Variants in DNAH10 observed in about 807,000 individuals in gnomAD.
The protein encoded by DNAH10 is axonemal beta dynein heavy chain 10.
A neutral mutation model predicts 506.6 loss-of-function variants in DNAH10; 348 were observed. The observed-to-expected ratio is 0.69, with a 90% confidence interval of 0.63 to 0.75. The LOEUF is 0.75. DNAH10 is among the 30% of genes least tolerant of loss of function. The pLI is 0.00. For missense variants in DNAH10, 5,179 were observed against 5,787.1 expected (o/e 0.89, Z 3.41); for synonymous variants, 2,059 against 2,198.6 (o/e 0.94, Z 1.78).
intron 54 of DNAH10, among the ~76,000 whole-genome samples, chr12:123,895,008 G>A (rs1202961825): frequency 6.6e-6 from 1 of 152,168 alleles, no homozygotes; most frequent in Admixed American, 6.5e-5. Flanking sequence ...CCCCTTACTT[G>A]TTTTAGTAAA....
rs774705534 is a variant in DNAH10 at position 123,813,833 on chromosome 12, G to A, written c.3701G>A (p.Arg1234Lys). The part of the protein sequence containing the change: ...KFVLATIAEI[R>K]SKSLVMELRY... ...GTCCTTGCAACAATTGCAGAAATTA[G>A]AAGTAAATCTCTAGTCATGGAACTC... The change falls in exon 21 of 79, where the codon AGA (arginine) becomes AAA (lysine). Residue 1234 changes from arginine (R) to lysine (K), a missense_variant. Transcript: ENST00000673944. 1.9e-6 allele frequency: 3 copies of A among 1,613,410 alleles called. No individual in the cohort carries two copies. The highest frequency in any genetic ancestry group is 2.5e-6 in the Non-Finnish European group (3 of 1,179,788).
In DNAH10 at chr12:123,841,252, G is replaced by A. The variant is rs1481507771; in HGVS notation, c.5137-70G>A. On this transcript the variant is annotated intron_variant, in intron 29 of 78. Coordinates refer to ENST00000673944, the MANE Select transcript of DNAH10 (RefSeq NM_001372106.1). ...CATCGTGGCAGCTCTGCTGGATGGAGCACCGCTGGCTGGTCTTTGATTCCA... is the reference window on the plus strand; with the variant it reads ...CATCGTGGCAGCTCTGCTGGATGGAACACCGCTGGCTGGTCTTTGATTCCA... 15 of 1,519,300 alleles carry A rather than the reference G, an allele frequency of 9.9e-6. No homozygotes were observed. The South Asian group carries it at 1.1e-4, about 11-fold the overall frequency. The allele number at this position is 1,519,300 out of a possible 1,614,324, so 94.1% of individuals were successfully genotyped here.
chr12:123,798,955 A>G (rs936152065), intron 13 of DNAH10, among the ~76,000 whole-genome samples: 7 of 149,324 alleles, frequency 4.7e-5, no homozygotes, highest in Non-Finnish European at 1.0e-4. Context: ...AAATACAAAA[A>G]TTAGCTGGGT....
In DNAH10 at chr12:123,879,811, A is replaced by G; in HGVS notation, c.8634+10A>G. 5 of 1,611,770 alleles carry G rather than the reference A, an allele frequency of 3.1e-6. No individual in the cohort carries two copies. The highest frequency in any genetic ancestry group is 4.2e-6 in the Non-Finnish European group (5 of 1,178,392). On this transcript the variant is annotated intron_variant, in intron 50 of 78. Coordinates refer to ENST00000673944, the MANE Select transcript of DNAH10 (RefSeq NM_001372106.1). Reference sequence around the variant, plus strand: ...CAAGGCTCTGTTCCAGGTGGGGATGAGCCCCACCCTGTCCATGGGCTCACT... The same window carrying G: ...CAAGGCTCTGTTCCAGGTGGGGATGGGCCCCACCCTGTCCATGGGCTCACT...
At chr12:123,908,495 A>G (rs1594347039) in intron 57 of DNAH10, 3 of 455,742 alleles carry the variant, frequency 6.6e-6, no homozygotes, top group Admixed American at 2.4e-5. Context: ...CTGTCTTTCC[A>G]TGGCGTGGTC....
At chr12:123,857,842 A>G (rs1442224476) in intron 37 of DNAH10, among the ~76,000 whole-genome samples, 1 of 152,224 alleles carries the variant, frequency 6.6e-6, no homozygotes, top group East Asian at 1.9e-4. Context: ...GCAAAACTAA[A>G]ACCCTACACC....
chr12:123,785,659 G>A lies in DNAH10; in HGVS notation c.1231-87G>A. 2.2e-6 allele frequency: 2 copies of A among 925,354 alleles called. No individual in the cohort carries two copies. The allele number at this position is 925,354 out of a possible 1,614,324, so 57.3% of individuals were successfully genotyped here. On this transcript the variant is annotated intron_variant, in intron 8 of 78. Coordinates refer to ENST00000673944, the MANE Select transcript of DNAH10 (RefSeq NM_001372106.1). The surrounding 1 kb of genome is among the most constrained non-coding windows in gnomAD (Gnocchi z 4.1). ...AGGAAAAAAAAAAAAAAAAAAGAGTGAAACTTCTTGCATGCTTACTGTTTT... is the reference window on the plus strand; with the variant it reads ...AGGAAAAAAAAAAAAAAAAAAGAGTAAAACTTCTTGCATGCTTACTGTTTT...
intron 12 of DNAH10, among the ~76,000 whole-genome samples, chr12:123,796,426 C>T (rs1038282257): frequency 2.6e-5 from 4 of 152,098 alleles, no homozygotes; most frequent in Non-Finnish European, 4.4e-5. Context: ...CACTGCACTC[C>T]AGCCTGGGCA....
In DNAH10 at chr12:123,853,286, C is replaced by G. The variant is rs1951247033; in HGVS notation, c.6372C>G (p.Leu2124=). 1 of 1,611,706 alleles carries G rather than the reference C, an allele frequency of 6.2e-7. No individual in the cohort carries two copies. The highest frequency in any genetic ancestry group is 1.3e-5 in the African/African-American group (1 of 74,952). Residue 2124 remains leucine, a synonymous_variant, in exon 36 of 79, where the codon CTC becomes CTG. Transcript: ENST00000673944. The surrounding 1 kb of genome is among the most constrained non-coding windows in gnomAD (Gnocchi z 4.7). ...LSKQYHYDFG[L]RALKSVLVMA... ...AGCAGTATCACTATGATTTTGGACT[C>G]AGAGCCCTGAAATCGGTGCTGGTCA...
chr12:123,919,295 G>A lies in DNAH10; in HGVS notation c.11506+346G>A, dbSNP rs531331023. Among the ~76,000 whole-genome samples the A allele has an allele frequency of 2.0e-5, 3 of 151,902 alleles. No individual in the cohort carries two copies. Among genetic ancestry groups the A allele is most frequent in the Non-Finnish European group, 4.4e-5 (3 of 67,978 alleles). On this transcript the variant is annotated intron_variant, in intron 65 of 78. Transcript: ENST00000673944. This position sits in a 1 kb window ranked among gnomAD's most constrained non-coding sequence, Gnocchi z 4.9. ...TCACTATGTTGCCCAGGCTGGTCTCGAACTCCTGAGCTCAAACGATCCACC... is the reference window on the plus strand; with the variant it reads ...TCACTATGTTGCCCAGGCTGGTCTCAAACTCCTGAGCTCAAACGATCCACC...
chr12:123,805,896 C>T (rs1200229373), intron 18 of DNAH10, among the ~76,000 whole-genome samples: 1 of 151,812 alleles, frequency 6.6e-6, no homozygotes, highest in African/African-American at 2.4e-5. Flanking sequence ...CCTGCCTCAG[C>T]CTCCTGAGTA....
intron 29 of DNAH10, among the ~76,000 whole-genome samples, chr12:123,840,223 G>T (rs188216316): frequency 6.1e-4 from 93 of 152,102 alleles, no homozygotes; most frequent in Non-Finnish European, 1.1e-3. Flanking sequence ...GAGAATGAGT[G>T]TTGCACGGTA....
intron 78 of DNAH10, 118 bp from the exon 79 acceptor site, chr12:123,935,217 G>A: frequency 2.4e-6 from 3 of 1,250,420 alleles, no homozygotes; most frequent in Non-Finnish European, 3.4e-6. Context: ...CCTTGTGCGT[G>A]TTCTCAGGTG....
At position 123,870,484 on chromosome 12, in the gene DNAH10, G is replaced by C. The variant is rs1400245629; in HGVS notation, c.7638G>C (p.Leu2546=). The C allele has an allele frequency of 2.5e-6, 4 of 1,612,872 alleles. No individual in the cohort carries two copies. In the African/African-American group the frequency reaches 5.3e-5, roughly 22 times the overall value. The change falls in exon 44 of 79, where the codon CTG becomes CTC. Residue 2546 remains leucine (L), a splice_region_variant and synonymous_variant. Transcript: ENST00000673944. The stretch of plus-strand genomic sequence containing the variant: ...CCGAGAGGAAATTCATCAACATCCT[G>C]GGTAAGTCAGAGTCAAATCCTTGTT... ...HAPERKFINI[L]VHTVDTTRTT...
rs192837360 is a variant in DNAH10 at position 123,916,180 on chromosome 12, C to G, written c.10723-277C>G. On this transcript the variant is annotated intron_variant, in intron 62 of 78. Coordinates refer to ENST00000673944, the MANE Select transcript of DNAH10 (RefSeq NM_001372106.1). The surrounding 1 kb of genome is among the most constrained non-coding windows in gnomAD (Gnocchi z 4.6). The stretch of plus-strand genomic sequence containing the variant: ...CCTACCCCTAGTCCAATTCCAACAT[C>G]TACCCTCTCTCTTAAAGAGGAGGGG... Among the ~76,000 whole-genome samples, 81 of 152,324 alleles carry G rather than the reference C, an allele frequency of 5.3e-4. No individual in the cohort carries two copies. Among genetic ancestry groups the G allele is most frequent in the Non-Finnish European group, 1.0e-3 (71 of 68,036 alleles).
At chr12:123,823,810 G>T in intron 24 of DNAH10, among the ~76,000 whole-genome samples, 1 of 151,884 alleles carries the variant, frequency 6.6e-6, no homozygotes, top group Non-Finnish European at 1.5e-5. Context: ...ATTGACTATA[G>T]TCACCCTGCC....
Position 123,853,248 on chromosome 12 carries a change from G to A in DNAH10, c.6334G>A (p.Glu2112Lys). ...GACGGTTCTGTATAAGCTGGCCCGG[G>A]AGCAGCTGTCCAAGCAGTATCACTA... ...KMTVLYKLAR[E>K]QLSKQYHYDF... is the part of the protein sequence containing the mutation. The change falls in exon 36 of 79, where the codon GAG (glutamate) becomes AAG (lysine). Residue 2112 changes from glutamate (E) to lysine (K), a missense_variant. Glu to Lys is a moderately conservative substitution (Grantham distance 56). Around this residue, in one of 3 missense-constraint regions of DNAH10, gnomAD observed 4,844 missense variants for 5,430.5 expected, o/e 0.89. Coordinates refer to ENST00000673944, the MANE Select transcript of DNAH10 (RefSeq NM_001372106.1). This position sits in a 1 kb window ranked among gnomAD's most constrained non-coding sequence, Gnocchi z 4.7. 6.2e-7 allele frequency: 1 copy of A among 1,611,082 alleles called. No individual in the cohort carries two copies. Among genetic ancestry groups the A allele is most frequent in the African/African-American group, 1.3e-5 (1 of 74,964 alleles).
chr12:123,929,914 GTTCT>G, intron 72 of DNAH10, 155 bp downstream of exon 72: 2 of 684,974 alleles, frequency 2.9e-6, no homozygotes, highest in Non-Finnish European at 4.9e-6. Flanking sequence ...TCACCTGGTT[GTTCT>G]TTGTCCTAAG....
intron 43 of DNAH10, among the ~76,000 whole-genome samples, chr12:123,869,266 G>A (rs1186260799): frequency 6.6e-6 from 1 of 152,010 alleles, no homozygotes; most frequent in Non-Finnish European, 1.5e-5. Context: ...ACCCATACTT[G>A]CCCCTTCCCT....
Sources: allele counts gnomAD v4.1 joint callset (sites outside exome capture counted in the v4.1 genomes callset), GRCh38; gene constraint gnomAD v4.1.1; regional missense constraint gnomAD v4.1.1; non-coding constraint Gnocchi (gnomAD v3.1); transcripts MANE v1.5; gene names NCBI Gene and HGNC (gene_info 2026-07-23, HGNC 2026-07-21).